Variants in GPC4 observed in about 807,000 individuals in gnomAD.
GPC4 encodes the protein glypican 4.
GPC4 carries 10 observed loss-of-function variants against 35.0 expected under a neutral mutation model. That is an observed-to-expected ratio of 0.29 (90% CI 0.18 to 0.48). The LOEUF (loss-of-function observed/expected upper bound fraction) is 0.48. Among genes scored for constraint, GPC4 ranks in the 20% least tolerant of loss-of-function variants. The probability of loss-of-function intolerance (pLI) is 0.99; values close to 1 mark genes in which losing one functional copy is unlikely to be tolerated. For synonymous variants in GPC4, 167 were observed against 170.2 expected, an observed-to-expected ratio of 0.98 and a Z score of 0.15; for missense variants, 322 against 451.3, an observed-to-expected ratio of 0.71 and a Z score of 2.60.
intron 1 of GPC4, among the ~76,000 whole-genome samples, chrX:133,379,507 T>C (rs940886063): frequency 8.9e-6 from 1 of 112,036 alleles, no homozygotes; most frequent in African/African-American, 3.2e-5. Flanking sequence ...AATGGTTGGA[T>C]GACACTGTTT....
At chrX:133,409,355 A>AAAAAT (rs2068803604) in intron 1 of GPC4, among the ~76,000 whole-genome samples, 1 of 85,511 alleles carries the variant, frequency 1.2e-5, no homozygotes, top group Non-Finnish European at 2.3e-5. Flanking sequence ...AAAAAAAAAA[A>AAAAAT]GTGTTTAGAT....
At chrX:133,353,927 C>T (rs769545423) in intron 1 of GPC4, among the ~76,000 whole-genome samples, 3 of 111,140 alleles carry the variant, frequency 2.7e-5, no homozygotes, top group South Asian at 3.9e-4. Context: ...GCAGATGGCA[C>T]GCAGCATTAC....
chrX:133,404,005 CT>C (rs777450109), intron 1 of GPC4, among the ~76,000 whole-genome samples: 2 of 110,698 alleles, frequency 1.8e-5, no homozygotes, highest in African/African-American at 3.3e-5. Flanking sequence ...CCAAGCTTTG[CT>C]TTTTTTTAAG....
At chrX:133,316,061 C>T (rs779045085) in intron 3 of GPC4, among the ~76,000 whole-genome samples, 10 of 111,450 alleles carry the variant, frequency 9.0e-5, no homozygotes, top group Non-Finnish European at 1.7e-4. Context: ...TTTATGGTTT[C>T]GTGGTCATGA....
chrX:133,387,483 G>GA (rs902470391), intron 1 of GPC4, among the ~76,000 whole-genome samples: 1 of 109,642 alleles, frequency 9.1e-6, no homozygotes, highest in African/African-American at 3.3e-5. Flanking sequence ...GAAGAAAACA[G>GA]AAAAAAAGGA....
intron 1 of GPC4, among the ~76,000 whole-genome samples, chrX:133,344,610 T>C (rs1361804999): frequency 9.0e-6 from 1 of 111,423 alleles, no homozygotes; most frequent in Non-Finnish European, 1.9e-5. Flanking sequence ...CAAGAAAGTG[T>C]CTCTCCAATT....
In GPC4 at chrX:133,308,308, C is replaced by T. The variant is rs532456223; in HGVS notation, c.878-2154G>A. On this transcript the variant is annotated intron_variant, in intron 4 of 8. Transcript: ENST00000370828. ...CCTGGCTGGTGTCCCCGCCAGCAATCCCAATACTAAATTCCCACTGGCAGC... is the reference window on the plus strand; with the variant it reads ...CCTGGCTGGTGTCCCCGCCAGCAATTCCAATACTAAATTCCCACTGGCAGC... Among the ~76,000 whole-genome samples the T allele has an allele frequency of 4.0e-4, 45 of 111,915 alleles. No homozygotes were observed. In the South Asian group the frequency reaches 0.015, roughly 38 times the overall value.
At chrX:133,400,059 TGAA>T (rs1216565136) in intron 1 of GPC4, among the ~76,000 whole-genome samples, 2 of 112,429 alleles carry the variant, frequency 1.8e-5, no homozygotes, top group African/African-American at 6.5e-5. Context: ...TGTTTTACAC[TGAA>T]GGATGTGTCT....
chrX:133,355,397 T>A (rs764862103), intron 1 of GPC4, among the ~76,000 whole-genome samples: 1 of 112,094 alleles, frequency 8.9e-6, no homozygotes, highest in Non-Finnish European at 1.9e-5. Context: ...TATACTCTTA[T>A]AAAAAAGCAT....
chrX:133,402,920 A>AG (rs2068772330), intron 1 of GPC4, among the ~76,000 whole-genome samples: 1 of 108,456 alleles, frequency 9.2e-6, no homozygotes, highest in African/African-American at 3.3e-5. Flanking sequence ...AAAAAAAAAA[A>AG]AAAAAAAGAA....
chrX:133,373,653 C>T (rs1330133560), intron 1 of GPC4, among the ~76,000 whole-genome samples: 2 of 111,395 alleles, frequency 1.8e-5, no homozygotes, highest in African/African-American at 6.5e-5. Flanking sequence ...CTGCCAAAAA[C>T]GGGGTTGTAG....
intron 1 of GPC4, among the ~76,000 whole-genome samples, chrX:133,410,891 T>C (rs1317591946): frequency 8.9e-6 from 1 of 112,288 alleles, no homozygotes; most frequent in Non-Finnish European, 1.9e-5. Flanking sequence ...ATAGGCCCTG[T>C]GGCTCAATTC....
chrX:133,358,305 T>A (rs2068551166), intron 1 of GPC4, among the ~76,000 whole-genome samples: 1 of 112,416 alleles, frequency 8.9e-6, no homozygotes, highest in Non-Finnish European at 1.9e-5. Context: ...TCCAAAGGTT[T>A]CTACAGATAA....
chrX:133,410,326 A>G (rs1227886103), intron 1 of GPC4, among the ~76,000 whole-genome samples: 1 of 112,384 alleles, frequency 8.9e-6, no homozygotes, highest in Admixed American at 9.4e-5. Flanking sequence ...TCTGTTATTC[A>G]TTAGCTATAA....
At chrX:133,361,896 A>G (rs1014508130) in intron 1 of GPC4, among the ~76,000 whole-genome samples, 3 of 111,361 alleles carry the variant, frequency 2.7e-5, no homozygotes, top group Non-Finnish European at 5.6e-5. Flanking sequence ...ATTAAATACA[A>G]TAATAGAAGC....
At chrX:133,350,529 T>C (rs1186758960) in intron 1 of GPC4, among the ~76,000 whole-genome samples, 2 of 110,593 alleles carry the variant, frequency 1.8e-5, no homozygotes, top group Non-Finnish European at 3.8e-5. Flanking sequence ...TGTTTCATTC[T>C]GCAAACAAAA....
At chrX:133,348,695 CA>C (rs1179086491) in intron 1 of GPC4, among the ~76,000 whole-genome samples, 3 of 112,353 alleles carry the variant, frequency 2.7e-5, no homozygotes, top group African/African-American at 9.7e-5. Context: ...TAAATGATTC[CA>C]AATGCCTCTA....
At chrX:133,354,005 C>A (rs2068528741) in intron 1 of GPC4, among the ~76,000 whole-genome samples, 1 of 111,852 alleles carries the variant, frequency 8.9e-6, no homozygotes, top group African/African-American at 3.3e-5. Context: ...ATTAAAATAG[C>A]CTTTCTTAGA....
At chrX:133,384,513 T>C (rs1000383602) in intron 1 of GPC4, among the ~76,000 whole-genome samples, 1 of 110,978 alleles carries the variant, frequency 9.0e-6, no homozygotes, top group African/African-American at 3.3e-5. Context: ...TGAGTAGGAG[T>C]GAGAGCCCAA....
Sources: allele counts gnomAD v4.1 joint callset (sites outside exome capture counted in the v4.1 genomes callset), GRCh38; gene constraint gnomAD v4.1.1; transcripts MANE v1.5; gene names NCBI Gene and HGNC (gene_info 2026-07-23, HGNC 2026-07-21).